Variants in RBM26 observed in about 807,000 individuals in gnomAD.
RBM26 encodes RNA-binding protein 26.
A neutral mutation model predicts 123.6 loss-of-function variants in RBM26; 30 were observed. The ratio of observed to expected loss-of-function variants is 0.24; its 90% CI spans 0.18 to 0.33. RBM26 has a LOEUF of 0.33. Among genes scored for constraint, RBM26 ranks in the 10% least tolerant of loss-of-function variants. The probability of loss-of-function intolerance (pLI) is 1.00; values close to 1 mark genes in which losing one functional copy is unlikely to be tolerated. For missense variants in RBM26, 947 were observed against 1,203.6 expected (o/e 0.79, Z 3.15); for synonymous variants, 400 against 404.4 (o/e 0.99, Z 0.13).
intron 1 of RBM26, among the ~76,000 whole-genome samples, chr13:79,386,570 C>T (rs1396930619): frequency 8.8e-6 from 1 of 113,796 alleles, no homozygotes; most frequent in Non-Finnish European, 1.7e-5. Flanking sequence ...GGTTATACAT[C>T]AAGCCACAGA....
At chr13:79,334,961 C>A (rs2070077306) in intron 19 of RBM26, among the ~76,000 whole-genome samples, 1 of 152,120 alleles carries the variant, frequency 6.6e-6, no homozygotes. Flanking sequence ...TTGCTTACTA[C>A]ACACTCTACT....
intron 1 of RBM26, among the ~76,000 whole-genome samples, chr13:79,384,693 TA>T (rs1447797846): frequency 6.6e-6 from 1 of 152,188 alleles, no homozygotes; most frequent in Admixed American, 6.5e-5. Flanking sequence ...GTACACACAC[TA>T]AAGTTACAGA....
At chr13:79,388,095 CCTTT>C (rs923261828) in intron 1 of RBM26, among the ~76,000 whole-genome samples, 3 of 152,214 alleles carry the variant, frequency 2.0e-5, no homozygotes, top group African/African-American at 4.8e-5. Context: ...AACTAGTCTT[CCTTT>C]GTCTTCAAAA....
At chr13:79,351,568 A>G (rs2073220733) in intron 14 of RBM26, among the ~76,000 whole-genome samples, 1 of 131,422 alleles carries the variant, frequency 7.6e-6, no homozygotes, top group African/African-American at 3.0e-5. Flanking sequence ...AGAGACTTTC[A>G]CTCTTTAAAT....
At chr13:79,341,551 T>G (rs907515462) in intron 17 of RBM26, among the ~76,000 whole-genome samples, 3 of 151,784 alleles carry the variant, frequency 2.0e-5, no homozygotes, top group Non-Finnish European at 4.4e-5. Flanking sequence ...AAGGTGCTAA[T>G]GAGCAATACA....
chr13:79,359,520 A>T (rs1594300399), intron 10 of RBM26, 55 bp downstream of exon 10: 1 of 827,096 alleles, frequency 1.2e-6, no homozygotes, highest in East Asian at 2.7e-5. Context: ...TAATACAGAA[A>T]TGATCCTGAA....
intron 9 of RBM26, among the ~76,000 whole-genome samples, chr13:79,364,663 T>C (rs1175426716): frequency 1.4e-5 from 2 of 147,656 alleles, no homozygotes; most frequent in Non-Finnish European, 2.9e-5. Flanking sequence ...TAGTTTACAT[T>C]TACATCTCTA....
At chr13:79,374,220 G>A (rs1243707176) in intron 3 of RBM26, among the ~76,000 whole-genome samples, 1 of 152,084 alleles carries the variant, frequency 6.6e-6, no homozygotes, top group Non-Finnish European at 1.5e-5. Flanking sequence ...TATAATCCCA[G>A]CACTTTTAAA....
chr13:79,403,143 C>A (rs1333876968), intron 1 of RBM26, among the ~76,000 whole-genome samples: 2 of 150,632 alleles, frequency 1.3e-5, no homozygotes, highest in Non-Finnish European at 3.0e-5. Flanking sequence ...TTCACAAAAC[C>A]AACGTTAGAA....
At chr13:79,321,557 C>T (rs1057033648) in intron 21 of RBM26, among the ~76,000 whole-genome samples, 1 of 151,308 alleles carries the variant, frequency 6.6e-6, no homozygotes, top group Admixed American at 6.6e-5. Flanking sequence ...AGGCCTCTAA[C>T]ACTTCACTGG....
intron 20 of RBM26, among the ~76,000 whole-genome samples, chr13:79,327,273 G>A (rs1260040700): frequency 6.8e-6 from 1 of 148,142 alleles, no homozygotes; most frequent in Non-Finnish European, 1.5e-5. Context: ...TCTAGCCTGG[G>A]TGACAGAATG....
chr13:79,327,236 C>CA, intron 20 of RBM26, among the ~76,000 whole-genome samples: 1 of 149,684 alleles, frequency 6.7e-6, no homozygotes, highest in Non-Finnish European at 1.5e-5. Flanking sequence ...GTCAAGGCTG[C>CA]AGTGAGCTGT....
intron 14 of RBM26, among the ~76,000 whole-genome samples, chr13:79,349,673 T>C (rs1213310574): frequency 6.7e-6 from 1 of 149,044 alleles, no homozygotes; most frequent in African/African-American, 2.4e-5. Flanking sequence ...CAATAACAGT[T>C]AAGAAAAAAA....
At chr13:79,379,276 G>A (rs1206332045) in intron 1 of RBM26, among the ~76,000 whole-genome samples, 1 of 149,468 alleles carries the variant, frequency 6.7e-6, no homozygotes, top group East Asian at 2.0e-4. Context: ...AATCAGTCCT[G>A]TAATGACAGC....
chr13:79,346,029 A>G lies in RBM26; in HGVS notation c.2059-1235T>C, dbSNP rs187102032. Among the ~76,000 whole-genome samples the G allele has an allele frequency of 6.9e-4, 105 of 152,320 alleles. 1 individual carries two copies. In the East Asian group the frequency reaches 0.016, roughly 24 times the overall value. Reference sequence around the variant, plus strand: ...GTGAACACTGCAATTTTTCTAAGGAAAAACATTGTTTTCTCAAGTCATTGT... The same window carrying G: ...GTGAACACTGCAATTTTTCTAAGGAGAAACATTGTTTTCTCAAGTCATTGT... On this transcript the variant is annotated intron_variant, in intron 14 of 21. Coordinates refer to ENST00000438737, the MANE Select transcript of RBM26 (RefSeq NM_001366735.2).
intron 14 of RBM26, among the ~76,000 whole-genome samples, chr13:79,351,644 A>C (rs1393177525): frequency 1.3e-5 from 2 of 152,072 alleles, no homozygotes; most frequent in Non-Finnish European, 2.9e-5. Context: ...CCACCAAAAA[A>C]ATAAAATAAA....
chr13:79,361,815 T>A (rs1431231468), intron 9 of RBM26, among the ~76,000 whole-genome samples: 2 of 152,200 alleles, frequency 1.3e-5, no homozygotes, highest in African/African-American at 4.8e-5. Context: ...CTCATCTCAC[T>A]TTACATAGCC....
At position 79,354,544 on chromosome 13, in the gene RBM26, G is replaced by A. The variant is rs2073726805; in HGVS notation, c.1881C>T (p.Pro627=). ...CTGACTGCTTCACAACAGGCAAAAT[G>A]GGCTGCTGGACTAAAGGCTGCATTA... The part of the protein sequence containing the change: ...PKVMQPLVQQ[P]ILPVVKQSVK... Residue 627 remains proline (P), a synonymous_variant, in exon 13 of 22, where the codon CCC becomes CCT. Coordinates refer to ENST00000438737, the MANE Select transcript of RBM26 (RefSeq NM_001366735.2). 1 of 1,604,810 alleles carries A rather than the reference G, an allele frequency of 6.2e-7. No homozygotes were observed. Among genetic ancestry groups the A allele is most frequent in the Admixed American group, 1.7e-5 (1 of 59,782 alleles).
At chr13:79,391,297 C>T (rs556626308) in intron 1 of RBM26, among the ~76,000 whole-genome samples, 4 of 152,262 alleles carry the variant, frequency 2.6e-5, no homozygotes, top group African/African-American at 9.6e-5. Context: ...TGATAGCTTT[C>T]GCTATAATAT....
Sources: gnomAD v4.1 joint callset for allele counts (sites outside exome capture counted in the v4.1 genomes callset) on GRCh38, gnomAD v4.1.1 for gene constraint, MANE v1.5 for transcripts, NCBI Gene and HGNC (gene_info 2026-07-23, HGNC 2026-07-21) for gene names.